The following SLFN5 variants were observed in gnomAD, a reference collection of about 807,000 sequenced individuals.
SLFN5 encodes schlafen family member 5.
A neutral mutation model predicts 48.5 loss-of-function variants in SLFN5; 34 were observed. The ratio of observed to expected loss-of-function variants is 0.70; its 90% CI spans 0.53 to 0.93. The LOEUF is 0.93. Among genes scored for constraint, SLFN5 ranks in the 40% least tolerant of loss-of-function variants. The pLI, the probability that SLFN5 is intolerant of heterozygous loss-of-function variation, is 0.00. For missense variants in SLFN5, 1,006 were observed against 1,071.3 expected, an observed-to-expected ratio of 0.94 and a Z score of 0.85; for synonymous variants, 387 against 396.2, an observed-to-expected ratio of 0.98 and a Z score of 0.28.
At chr17:35,251,530 C>G (rs1412290534) in intron 1 of SLFN5, among the ~76,000 whole-genome samples, 1 of 151,960 alleles carries the variant, frequency 6.6e-6, no homozygotes, top group South Asian at 2.1e-4. Flanking sequence ...CTCAACCTCC[C>G]GAGTAGCTGG....
At chr17:35,259,845 C>T (rs1030618213) in intron 2 of SLFN5, 143 bp downstream of exon 2, 3 of 962,128 alleles carry the variant, frequency 3.1e-6, no homozygotes, top group South Asian at 3.4e-5. Context: ...ACTTATTAAT[C>T]CCTGTAGATG....
Position 35,265,694 on chromosome 17 carries a change from C to T in SLFN5, c.2482C>T (p.Gln828Ter). 6.2e-7 allele frequency: 1 copy of T among 1,614,200 alleles called. No individual in the cohort carries two copies. The highest frequency in any genetic ancestry group is 1.6e-4 in the Middle Eastern group (1 of 6,062). ...CCATGAGGAGTCTGATCTGTTACTA[C>T]AGATCGGTGATGCGTCGGATGTTCT... ...QLHEESDLLL[Q>*]IGDASDVLTD... Residue 828 changes from glutamine (Q) to a stop codon, truncating the protein, a stop_gained, in exon 5 of 5, where the codon CAG (glutamine) becomes TAG (stop). Coordinates refer to ENST00000299977, the MANE Select transcript of SLFN5 (RefSeq NM_144975.4). LOFTEE classifies it low-confidence loss of function (END_TRUNC).
rs758533114 is a variant in SLFN5, at chr17:35,265,416, C to G, written c.2204C>G (p.Pro735Arg). Residue 735 changes from proline (P) to arginine (R), a missense_variant, in exon 5 of 5, where the codon CCT (proline) becomes CGT (arginine). Pro to Arg is a moderately radical substitution (Grantham distance 103). Coordinates refer to ENST00000299977, the MANE Select transcript of SLFN5 (RefSeq NM_144975.4). ...VMQEARQNPP[P>R]NLPPGSLVML... ...CAGGAAGCCCGACAAAATCCTCCAC[C>G]TAACCTCCCCCCTGGGTCCCTGGTG... 6.3e-5 allele frequency: 101 copies of G among 1,614,218 alleles called. 1 individual carries two copies. In the South Asian group the frequency reaches 1.1e-3, roughly 17 times the overall value.
Position 35,266,120 on chromosome 17 carries a change from T to G in SLFN5, c.*232T>G. The G allele has an allele frequency of 4.1e-6, 2 of 490,860 alleles. No homozygotes were observed. The highest frequency in any genetic ancestry group is 3.6e-6 in the Non-Finnish European group (1 of 276,136). 30.4% of individuals were successfully genotyped at this position (490,860 alleles called of 1,614,324 possible). ...CATGGTAAAAAGGGATATCAGTAATTAGAGGACCGTGAGACTCAGAGATGT... is the reference window on the plus strand; with the variant it reads ...CATGGTAAAAAGGGATATCAGTAATGAGAGGACCGTGAGACTCAGAGATGT... On this transcript the variant is annotated 3_prime_UTR_variant, in exon 5 of 5. Transcript: ENST00000299977.
chr17:35,269,840 A>G lies in SLFN5; in HGVS notation c.*3952A>G, dbSNP rs1567794770. ...GAAAGGATGTTGGGTAGATCAAAACAACAAATGTCCATTACAGCAATTAAC... is the reference window on the plus strand; with the variant it reads ...GAAAGGATGTTGGGTAGATCAAAACGACAAATGTCCATTACAGCAATTAAC... On this transcript the variant is annotated 3_prime_UTR_variant, in exon 5 of 5. Coordinates refer to ENST00000299977, the MANE Select transcript of SLFN5 (RefSeq NM_144975.4). 6.6e-6 allele frequency: 1 copy of G among 152,248 alleles called. No homozygotes were observed. The highest frequency in any genetic ancestry group is 1.5e-5 in the Non-Finnish European group (1 of 68,044). 9.4% of individuals were successfully genotyped at this position (152,248 alleles called of 1,614,324 possible).
chr17:35,250,959 G>A (rs2092440961), intron 1 of SLFN5, among the ~76,000 whole-genome samples: 1 of 152,140 alleles, frequency 6.6e-6, no homozygotes, highest in Non-Finnish European at 1.5e-5. Context: ...TGACAGATGA[G>A]AGGATTTCTA....
Position 35,264,386 on chromosome 17 carries a change from A to C in SLFN5, c.1342A>C (p.Asn448His). The stretch of plus-strand genomic sequence containing the variant: ...TGATGCTCTTCTAATTTCCCAGAAC[A>C]ACACCCCTATTCTCTACACCATCTT... Reference protein sequence around the residue: ...ICDALLISQNNTPILYTIFSK... With the variant: ...ICDALLISQNHTPILYTIFSK... Residue 448 changes from asparagine to histidine, a missense_variant, in exon 4 of 5, where the codon AAC becomes CAC. Physicochemically the swap from Asn to His is moderately conservative, Grantham distance 68. Coordinates refer to ENST00000299977, the MANE Select transcript of SLFN5 (RefSeq NM_144975.4). 1 of 1,614,166 alleles carries C rather than the reference A, an allele frequency of 6.2e-7. No individual in the cohort carries two copies. Among genetic ancestry groups the C allele is most frequent in the South Asian group, 1.1e-5 (1 of 91,082 alleles).
intron 3 of SLFN5, among the ~76,000 whole-genome samples, chr17:35,261,842 AT>A (rs532160679): frequency 6.7e-6 from 1 of 150,248 alleles, no homozygotes; most frequent in Non-Finnish European, 1.5e-5. Context: ...CACCCAGCTA[AT>A]TTTTTTTGCA....
rs1293953471 is a variant in SLFN5, at chr17:35,260,787, G to C, written c.1013-184G>C. Among the ~76,000 whole-genome samples, 11 of 152,194 alleles carry C rather than the reference G, an allele frequency of 7.2e-5. No individual in the cohort carries two copies. In the East Asian group the frequency reaches 2.1e-3, roughly 29 times the overall value. ...ATAAAATTAAAAAGTGTTGCTTTAT[G>C]CTAGGTTATTTTTTCCTTCAAAAAC... On this transcript the variant is annotated intron_variant, in intron 2 of 4. Coordinates refer to ENST00000299977, the MANE Select transcript of SLFN5 (RefSeq NM_144975.4).
In SLFN5 at chr17:35,247,351, C is replaced by T. The variant is rs114449442; in HGVS notation, c.-41+4208C>T. Among the ~76,000 whole-genome samples the T allele has an allele frequency of 3.5e-3, 528 of 152,256 alleles. 5 individuals carry two copies. The highest frequency in any genetic ancestry group is 0.012 in the African/African-American group (500 of 41,536). On this transcript the variant is annotated intron_variant, in intron 1 of 4. Transcript: ENST00000299977. The stretch of plus-strand genomic sequence containing the variant: ...GAGTGATGATGGCGGCTGACTCCCT[C>T]GTTATAGTGAGCTCTGAATAAACAG...
At position 35,264,636 on chromosome 17, in the gene SLFN5, A is replaced by C. The variant is rs1374211924; in HGVS notation, c.1592A>C (p.Gln531Pro). 1 of 1,614,096 alleles carries C rather than the reference A, an allele frequency of 6.2e-7. No homozygotes were observed. The highest frequency in any genetic ancestry group is 1.3e-5 in the African/African-American group (1 of 74,934). Residue 531 changes from glutamine (Q) to proline (P), a missense_variant, in exon 4 of 5, where the codon CAG becomes CCG. Transcript: ENST00000299977. ...CCCCAGCACATGGAAGCCCTGTTAC[A>C]GTCCCTCGTGATAGTCTTGCTTGGG... ...MTPQHMEALL[Q>P]SLVIVLLGFK...
intron 1 of SLFN5, among the ~76,000 whole-genome samples, chr17:35,254,125 G>A (rs2092449519): frequency 6.6e-6 from 1 of 152,142 alleles, no homozygotes; most frequent in African/African-American, 2.4e-5. Context: ...TTACAACGGT[G>A]CCAAATAATG....
intron 1 of SLFN5, among the ~76,000 whole-genome samples, chr17:35,254,585 C>T (rs576440334): frequency 1.7e-4 from 26 of 152,168 alleles, no homozygotes; most frequent in South Asian, 6.2e-4. Context: ...GTTTTTCTTC[C>T]TACTTCAGAG....
rs142003188 is a variant in SLFN5 at position 35,259,662 on chromosome 17, C to A, written c.972C>A (p.Pro324=). 1.2e-6 allele frequency: 2 copies of A among 1,601,056 alleles called. No homozygotes were observed. Among genetic ancestry groups the A allele is most frequent in the African/African-American group, 2.7e-5 (2 of 74,888 alleles). Residue 324 remains proline, a synonymous_variant, in exon 2 of 5, where the codon CCC becomes CCA. Transcript: ENST00000299977. ...QVKDNRVRQL[P]TREWTAWMME... Reference sequence around the variant, plus strand: ...AGGACAACCGTGTGAGACAATTGCCCACAAGAGAATGGACTGCTTGGATGA... The same window carrying A: ...AGGACAACCGTGTGAGACAATTGCCAACAAGAGAATGGACTGCTTGGATGA...
At position 35,259,561 on chromosome 17, in the gene SLFN5, G is replaced by T. The variant is rs867679841; in HGVS notation, c.871G>T (p.Gly291Ter). The change falls in exon 2 of 5, where the codon GGA (glycine) becomes TGA (stop). Residue 291 changes from glycine (G) to a stop codon, truncating the protein, a stop_gained. Coordinates refer to ENST00000299977, the MANE Select transcript of SLFN5 (RefSeq NM_144975.4). LOFTEE classifies it high-confidence loss of function. ...LEVHDKGALR[G>*]YVCAIKVEKF... ...AGTGCATGATAAGGGGGCCCTCCGT[G>T]GATATGTCTGTGCAATCAAGGTGGA... 9.3e-6 allele frequency: 15 copies of T among 1,613,758 alleles called. No homozygotes were observed. The highest frequency in any genetic ancestry group is 4.0e-5 in the African/African-American group (3 of 74,910).
chr17:35,257,683 C>T (rs2142697189), intron 1 of SLFN5, among the ~76,000 whole-genome samples: 1 of 152,120 alleles, frequency 6.6e-6, no homozygotes, highest in African/African-American at 2.4e-5. Context: ...CCCCTGCTCA[C>T]AGAAACACAG....
chr17:35,261,145 T>C lies in SLFN5; in HGVS notation c.1138+49T>C, dbSNP rs117724080. The C allele has an allele frequency of 3.1e-3, 4,981 of 1,587,058 alleles. 14 individuals are homozygous for C. Among genetic ancestry groups the C allele is most frequent in the Non-Finnish European group, 3.4e-3 (3,950 of 1,164,128 alleles). On this transcript the variant is annotated intron_variant, in intron 3 of 4. Coordinates refer to ENST00000299977, the MANE Select transcript of SLFN5 (RefSeq NM_144975.4). The stretch of plus-strand genomic sequence containing the variant: ...TTGGAATATGTTGATTGTTCATTCA[T>C]ATAAAAAATTGACTCCTACTTTATA...
chr17:35,255,788 A>G (rs1288646357), intron 1 of SLFN5, among the ~76,000 whole-genome samples: 2 of 152,228 alleles, frequency 1.3e-5, no homozygotes, highest in Non-Finnish European at 2.9e-5. Flanking sequence ...ATTAAGAAAT[A>G]CATTTCTAGA....
intron 1 of SLFN5, among the ~76,000 whole-genome samples, chr17:35,255,401 T>G (rs2092451929): frequency 2.6e-5 from 4 of 152,244 alleles, no homozygotes; most frequent in Admixed American, 1.3e-4. Flanking sequence ...AAAAACAACA[T>G]AGAAAACACT....
Sources: gnomAD v4.1 joint callset for allele counts (sites outside exome capture counted in the v4.1 genomes callset) on GRCh38, gnomAD v4.1.1 for gene constraint, MANE v1.5 for transcripts, NCBI Gene and HGNC (gene_info 2026-07-23, HGNC 2026-07-21) for gene names.